Variants in RBFOX2 observed in about 807,000 individuals in gnomAD.
RBFOX2 encodes the protein RNA binding fox-1 homolog 2.
RBFOX2 carries 10 observed loss-of-function variants against 49.1 expected under a neutral mutation model. The ratio of observed to expected loss-of-function variants is 0.20; its 90% CI spans 0.13 to 0.35. The LOEUF is 0.35. Ranked by LOEUF, RBFOX2 falls within the 10% of genes least tolerant of loss-of-function variation. The probability of loss-of-function intolerance (pLI) is 1.00; values close to 1 mark genes in which losing one functional copy is unlikely to be tolerated. For missense variants in RBFOX2, 323 were observed against 486.9 expected (o/e 0.66, Z 3.17); for synonymous variants, 183 against 187.4 (o/e 0.98, Z 0.19).
chr22:35,986,084 A>G (rs2057710441), intron 1 of RBFOX2, among the ~76,000 whole-genome samples: 1 of 152,160 alleles, frequency 6.6e-6, no homozygotes, highest in Non-Finnish European at 1.5e-5. Flanking sequence ...AGTCCGCTAT[A>G]TTTTTAGTAA....
exon 12 of RBFOX2, chr22:35,740,147 T>C (rs960774586): frequency 2.0e-5 from 3 of 152,382 alleles, no homozygotes; most frequent in African/African-American, 7.2e-5. Flanking sequence ...AGGGACTCTA[T>C]TACACTCACT....
intron 3 of RBFOX2, among the ~76,000 whole-genome samples, chr22:35,779,824 T>A (rs914287688): frequency 6.6e-6 from 1 of 152,028 alleles, no homozygotes; most frequent in African/African-American, 2.4e-5. Context: ...AAGGAAAAAA[T>A]TATTTCTTTT....
At chr22:35,988,427 A>G (rs2150095626) in intron 1 of RBFOX2, among the ~76,000 whole-genome samples, 1 of 152,354 alleles carries the variant, frequency 6.6e-6, no homozygotes, top group Non-Finnish European at 1.5e-5. Context: ...AGGCTCTTAT[A>G]ATACAGTGAA....
At chr22:35,972,894 A>C (rs189517653) in intron 1 of RBFOX2, among the ~76,000 whole-genome samples, 4 of 152,336 alleles carry the variant, frequency 2.6e-5, no homozygotes, top group Admixed American at 2.6e-4. Flanking sequence ...TGGGCCCAGC[A>C]AACTCACCAA....
At chr22:35,844,615 C>T (rs2040932874), upstream of RBFOX2, among the ~76,000 whole-genome samples, 2 of 151,794 alleles carry the variant, frequency 1.3e-5, no homozygotes, top group African/African-American at 4.8e-5. Context: ...CTGTCTCAGC[C>T]TCCCAAGTAG....
chr22:35,993,246 T>C (rs2058054404), intron 1 of RBFOX2: 1 of 152,186 alleles, frequency 6.6e-6, no homozygotes, highest in South Asian at 2.1e-4. Flanking sequence ...TTCCAAGTAA[T>C]ACTGAAATAG....
chr22:35,830,898 G>A (rs1303549065), intron 1 of RBFOX2, among the ~76,000 whole-genome samples: 2 of 152,090 alleles, frequency 1.3e-5, no homozygotes, highest in East Asian at 3.9e-4. Flanking sequence ...ATTTTCTGGG[G>A]CTGGGGAAAT....
intron 1 of RBFOX2, among the ~76,000 whole-genome samples, chr22:35,956,492 G>T (rs2055570275): frequency 6.6e-6 from 1 of 152,018 alleles, no homozygotes; most frequent in Non-Finnish European, 1.5e-5. Context: ...CTCCCAGGTA[G>T]CTGGGACTAC....
chr22:35,897,868 C>G, intron 1 of RBFOX2: 1 of 732,676 alleles, frequency 1.4e-6, no homozygotes. Context: ...TCTCAAATAT[C>G]TAGAAGAGCT....
upstream of RBFOX2, chr22:35,840,631 C>CGTGT (rs150747166): frequency 0.047 from 46,705 of 1,002,058 alleles, 613 homozygotes; most frequent in African/African-American, 0.12. Context: ...TGCGTGTGTG[C>CGTGT]GTGTGTGTGT....
intron 4 of RBFOX2, among the ~76,000 whole-genome samples, chr22:35,773,502 T>C (rs1481250379): frequency 1.3e-5 from 2 of 152,074 alleles, no homozygotes; most frequent in Non-Finnish European, 2.9e-5. Flanking sequence ...GATTTGATTA[T>C]ATGAATGTAT....
upstream of RBFOX2, among the ~76,000 whole-genome samples, chr22:35,940,536 G>C (rs1172545530): frequency 6.6e-6 from 1 of 152,152 alleles, no homozygotes; most frequent in East Asian, 1.9e-4. Context: ...CAGTTGGATA[G>C]TCCTTCTATT....
At chr22:35,986,664 G>C (rs1257727539) in intron 1 of RBFOX2, among the ~76,000 whole-genome samples, 1 of 152,138 alleles carries the variant, frequency 6.6e-6, no homozygotes, top group African/African-American at 2.4e-5. Flanking sequence ...AAGTAAATGA[G>C]ATAATGGAAA....
chr22:35,960,304 C>T (rs2056057682), intron 1 of RBFOX2, among the ~76,000 whole-genome samples: 1 of 152,184 alleles, frequency 6.6e-6, no homozygotes, highest in Non-Finnish European at 1.5e-5. Flanking sequence ...CTATCATTCC[C>T]ATTTTACACA....
intron 1 of RBFOX2, among the ~76,000 whole-genome samples, chr22:35,887,887 C>T (rs147418359): frequency 3.7e-4 from 56 of 152,232 alleles, no homozygotes; most frequent in African/African-American, 1.3e-3. Flanking sequence ...CACCATCAAG[C>T]GTTTGCTTAC....
At chr22:35,864,419 A>C (rs1005771528) in intron 1 of RBFOX2, among the ~76,000 whole-genome samples, 1 of 152,204 alleles carries the variant, frequency 6.6e-6, no homozygotes, top group African/African-American at 2.4e-5. Context: ...AAATCAGTTG[A>C]AAACAATGAT....
At chr22:35,779,811 G>A (rs1052032232) in intron 3 of RBFOX2, among the ~76,000 whole-genome samples, 12 of 152,108 alleles carry the variant, frequency 7.9e-5, no homozygotes, top group African/African-American at 2.9e-4. Flanking sequence ...AGGTATCTCT[G>A]GTAAGGAAAA....
chr22:35,844,454 T>C (rs1044633366), upstream of RBFOX2, among the ~76,000 whole-genome samples: 1 of 152,204 alleles, frequency 6.6e-6, no homozygotes, highest in African/African-American at 2.4e-5. Context: ...GCATTCTTTC[T>C]TCCAAGAGCG....
chr22:35,829,524 G>T (rs1042812010), intron 1 of RBFOX2, among the ~76,000 whole-genome samples: 1 of 151,662 alleles, frequency 6.6e-6, no homozygotes, highest in Non-Finnish European at 1.5e-5. Context: ...GGAAAAAAAG[G>T]TAAGTACATT....
Sources: gnomAD v4.1 joint callset for allele counts (sites outside exome capture counted in the v4.1 genomes callset) on GRCh38, gnomAD v4.1.1 for gene constraint, MANE v1.5 for transcripts, NCBI Gene and HGNC (gene_info 2026-07-23, HGNC 2026-07-21) for gene names.